Variants in MAP7 observed in about 807,000 individuals in gnomAD.
MAP7 encodes the protein ensconsin.
Under a neutral mutation model 94.8 loss-of-function variants are expected in MAP7, and 52 were observed. That is an observed-to-expected ratio of 0.55 (90% CI 0.44 to 0.69). The LOEUF is 0.69. Among genes scored for constraint, MAP7 ranks in the 30% least tolerant of loss-of-function variants. MAP7 has a pLI of 0.00. For synonymous variants in MAP7, 350 were observed against 357.0 expected, an observed-to-expected ratio of 0.98 and a Z score of 0.22; for missense variants, 940 against 964.6, an observed-to-expected ratio of 0.97 and a Z score of 0.34.
Position 136,550,039 on chromosome 6 carries a change from C to CG in MAP7, c.67+302dup, listed in dbSNP as rs1334486614. On this transcript the variant is annotated intron_variant, in intron 1 of 17. Transcript: ENST00000354570. This position sits in a 1 kb window ranked among gnomAD's most constrained non-coding sequence, Gnocchi z 5.1. ...AGGCCGCGGCGGGGAGGGCAGCGGC[C>CG]GGGGTCTCTCCGTTTCCTCCCCCGG... Among the ~76,000 whole-genome samples, 4 of 151,766 alleles carry CG rather than the reference C, an allele frequency of 2.6e-5. No individual in the cohort carries two copies. Among genetic ancestry groups the CG allele is most frequent in the Admixed American group, 2.0e-4 (3 of 15,264 alleles).
intron 1 of MAP7, among the ~76,000 whole-genome samples, chr6:136,532,249 G>A (rs1358601794): frequency 2.0e-5 from 3 of 152,222 alleles, no homozygotes; most frequent in Admixed American, 1.3e-4. Flanking sequence ...GAGGACAAGC[G>A]TTCTCTGTTT....
intron 1 of MAP7, among the ~76,000 whole-genome samples, chr6:136,447,111 A>G (rs781359581): frequency 6.6e-6 from 1 of 152,190 alleles, no homozygotes; most frequent in Non-Finnish European, 1.5e-5. Flanking sequence ...TCATGGTTTT[A>G]ACAACAGCAA....
intron 1 of MAP7, 79 bp from the exon 2 acceptor site, chr6:136,421,878 T>C (rs997947401): frequency 3.6e-6 from 4 of 1,100,102 alleles, no homozygotes; most frequent in African/African-American, 3.1e-5. Context: ...ATTCGACATT[T>C]ACTGTTAACC....
chr6:136,396,884 A>G (rs73565409), intron 3 of MAP7, among the ~76,000 whole-genome samples: 2 of 152,210 alleles, frequency 1.3e-5, no homozygotes, highest in African/African-American at 4.8e-5. Context: ...TTGTCGTCAT[A>G]ATCATTATAA....
chr6:136,536,662 T>A (rs1189212414), intron 1 of MAP7, among the ~76,000 whole-genome samples: 1 of 152,216 alleles, frequency 6.6e-6, no homozygotes, highest in Non-Finnish European at 1.5e-5. Context: ...CACTTGCCCC[T>A]AAGTTCCTGA....
intron 2 of MAP7, among the ~76,000 whole-genome samples, chr6:136,412,193 T>C (rs1026709190): frequency 1.3e-5 from 2 of 152,204 alleles, no homozygotes; most frequent in African/African-American, 4.8e-5. Flanking sequence ...GAGGTGTACT[T>C]TGATTTATTA....
At chr6:136,386,015 C>G (rs1779096517) in intron 5 of MAP7, among the ~76,000 whole-genome samples, 1 of 152,160 alleles carries the variant, frequency 6.6e-6, no homozygotes, top group African/African-American at 2.4e-5. Flanking sequence ...AGGTAATCCA[C>G]CCGCCTCAGC....
At chr6:136,365,684 G>T in intron 10 of MAP7, 51 bp downstream of exon 10, 1 of 1,579,248 alleles carries the variant, frequency 6.3e-7, no homozygotes. Context: ...CATCAAAACA[G>T]TGCGGGAGAA....
At chr6:136,514,804 G>C (rs1824335018) in intron 1 of MAP7, among the ~76,000 whole-genome samples, 1 of 152,144 alleles carries the variant, frequency 6.6e-6, no homozygotes, top group Admixed American at 6.6e-5. Flanking sequence ...AGTGCACACA[G>C]AGTAGATTTA....
At chr6:136,544,227 G>A (rs762135393) in intron 1 of MAP7, among the ~76,000 whole-genome samples, 17 of 152,152 alleles carry the variant, frequency 1.1e-4, no homozygotes, top group Admixed American at 1.1e-3. Context: ...TGGACTGTAC[G>A]CAAATTTTAG....
At position 136,377,751 on chromosome 6, in the gene MAP7, T is replaced by C. The variant is rs1277109422; in HGVS notation, c.751+4A>G. ...TGGGGAAAGTTCCACCTGGACAGTT[T>C]TACCTGCTTCTCCAGACAAGGCAGC... On this transcript the variant is annotated splice_donor_region_variant and intron_variant, in intron 7 of 17. Transcript: ENST00000354570. The C allele has an allele frequency of 6.8e-6, 11 of 1,612,566 alleles. No homozygotes were observed. The highest frequency in any genetic ancestry group is 8.5e-6 in the Non-Finnish European group (10 of 1,178,768).
chr6:136,445,093 C>T (rs1798934555), intron 1 of MAP7, among the ~76,000 whole-genome samples: 5 of 152,140 alleles, frequency 3.3e-5, no homozygotes, highest in Admixed American at 2.6e-4. Flanking sequence ...TAAGGACGAT[C>T]CACCCCACAT....
chr6:136,407,581 A>G (rs1029088987), intron 3 of MAP7, among the ~76,000 whole-genome samples: 1 of 152,192 alleles, frequency 6.6e-6, no homozygotes, highest in Non-Finnish European at 1.5e-5. Flanking sequence ...AGTCTGCTAG[A>G]TTTCTGACTA....
intron 1 of MAP7, among the ~76,000 whole-genome samples, chr6:136,424,795 A>AC (rs1325855280): frequency 6.6e-6 from 1 of 152,246 alleles, no homozygotes; most frequent in East Asian, 1.9e-4. Context: ...GCTCTGAGAC[A>AC]CGTCTGACTA....
intron 1 of MAP7, among the ~76,000 whole-genome samples, chr6:136,465,348 G>A (rs1806640261): frequency 6.6e-6 from 1 of 152,066 alleles, no homozygotes; most frequent in South Asian, 2.1e-4. Context: ...TTCTTACTGA[G>A]TAACCTCTAT....
chr6:136,435,905 A>G (rs1796266708), intron 1 of MAP7, among the ~76,000 whole-genome samples: 2 of 152,244 alleles, frequency 1.3e-5, no homozygotes, highest in African/African-American at 4.8e-5. Flanking sequence ...TGTTTTTCAT[A>G]GGGATTTTAT....
chr6:136,350,759 T>C (rs775202498), intron 16 of MAP7, among the ~76,000 whole-genome samples: 1 of 152,078 alleles, frequency 6.6e-6, no homozygotes, highest in Non-Finnish European at 1.5e-5. Flanking sequence ...CTCAGGAGGC[T>C]GGGGTGGGAG....
chr6:136,505,607 G>C (rs1821288755), intron 1 of MAP7, among the ~76,000 whole-genome samples: 1 of 151,652 alleles, frequency 6.6e-6, no homozygotes, highest in Non-Finnish European at 1.5e-5. Context: ...GAGAACACAG[G>C]GACACATCGA....
intron 1 of MAP7, among the ~76,000 whole-genome samples, chr6:136,440,564 T>C (rs1174302378): frequency 3.3e-5 from 5 of 152,236 alleles, no homozygotes; most frequent in Admixed American, 2.6e-4. Context: ...AAAAATTGCA[T>C]CTTTACTCAC....
Sources: gnomAD v4.1 joint callset for allele counts (sites outside exome capture counted in the v4.1 genomes callset) on GRCh38, gnomAD v4.1.1 for gene constraint, Gnocchi (gnomAD v3.1) non-coding constraint, MANE v1.5 for transcripts, NCBI Gene and HGNC (gene_info 2026-07-23, HGNC 2026-07-21) for gene names.